WWOX: variants seen among roughly 807,000 people sequenced by gnomAD.
WWOX encodes the protein WW domain-containing oxidoreductase.
A neutral mutation model predicts 46.2 loss-of-function variants in WWOX; 69 were observed. That is an observed-to-expected ratio of 1.49 (90% CI 1.23 to 1.82). The LOEUF (loss-of-function observed/expected upper bound fraction) is 1.82, where lower values mean the gene tolerates loss of function less well. Ranked by LOEUF, WWOX falls within the 40% of genes most tolerant of loss-of-function variation. WWOX has a pLI of 0.00. For missense variants in WWOX, 919 were observed against 542.6 expected (o/e 1.69, Z -6.89); for synonymous variants, 359 against 202.6 (o/e 1.77, Z -6.56).
At chr16:78,221,644 A>G (rs563175353) in intron 5 of WWOX, among the ~76,000 whole-genome samples, 11 of 152,332 alleles carry the variant, frequency 7.2e-5, no homozygotes, top group African/African-American at 2.6e-4. Context: ...ATATTTTGGT[A>G]TCTGGAACCG....
chr16:78,940,521 T>A (rs939623961), intron 8 of WWOX, among the ~76,000 whole-genome samples: 1 of 152,112 alleles, frequency 6.6e-6, no homozygotes, highest in Non-Finnish European at 1.5e-5. Flanking sequence ...TTTACATCAT[T>A]TCCATCGACA....
At chr16:79,210,424 A>G (rs1274431078) in intron 8 of WWOX, among the ~76,000 whole-genome samples, 1 of 152,180 alleles carries the variant, frequency 6.6e-6, no homozygotes, top group Non-Finnish European at 1.5e-5. Flanking sequence ...CATGGTCACA[A>G]TGTAAACCCT....
chr16:78,990,248 C>T (rs932763765), intron 8 of WWOX, among the ~76,000 whole-genome samples: 1 of 151,664 alleles, frequency 6.6e-6, no homozygotes, highest in African/African-American at 2.4e-5. Context: ...GATTAAGGGC[C>T]TCCATTCCCC....
chr16:78,782,606 C>A lies in WWOX; in HGVS notation c.1056+349854C>A, dbSNP rs1260759349. Among the ~76,000 whole-genome samples, 10 of 152,200 alleles carry A rather than the reference C, an allele frequency of 6.6e-5. No homozygotes were observed. The East Asian group carries it at 1.9e-3, about 29-fold the overall frequency. Reference sequence around the variant, plus strand: ...AGAGGATTCCATCTTTATTCTCCTCCCAAATGCAGGCTCCATTAACCTTTT... The same window carrying A: ...AGAGGATTCCATCTTTATTCTCCTCACAAATGCAGGCTCCATTAACCTTTT... On this transcript the variant is annotated intron_variant, in intron 8 of 8. Transcript: ENST00000566780.
At chr16:78,843,872 C>G (rs1419863765) in intron 8 of WWOX, among the ~76,000 whole-genome samples, 1 of 152,156 alleles carries the variant, frequency 6.6e-6, no homozygotes, top group Non-Finnish European at 1.5e-5. Flanking sequence ...TTTGTTTTCT[C>G]TGAAGCGCTG....
intron 5 of WWOX, among the ~76,000 whole-genome samples, chr16:78,261,788 C>CTATATATATATATA (rs71384369): frequency 2.7e-5 from 2 of 73,712 alleles, no homozygotes; most frequent in Non-Finnish European, 5.5e-5. Flanking sequence ...ATCTATCTAT[C>CTATATATATATATA]TATATATATA....
rs2051779040 is a variant in WWOX at position 79,212,036 on chromosome 16, G to A, written c.*240G>A. 1 of 1,536,264 alleles carries A rather than the reference G, an allele frequency of 6.5e-7. No individual in the cohort carries two copies. The highest frequency in any genetic ancestry group is 8.7e-7 in the Non-Finnish European group (1 of 1,146,904). On this transcript the variant is annotated 3_prime_UTR_variant, in exon 9 of 9. Coordinates refer to ENST00000566780, the MANE Select transcript of WWOX (RefSeq NM_016373.4). ...TAGGTCTCTTTGCTTTCTGGTGGTGGCCTGTTTGAAAGTAAAAACCTGCTT... is the reference window on the plus strand; with the variant it reads ...TAGGTCTCTTTGCTTTCTGGTGGTGACCTGTTTGAAAGTAAAAACCTGCTT...
At chr16:78,851,213 T>C (rs1339638465) in intron 8 of WWOX, among the ~76,000 whole-genome samples, 2 of 152,186 alleles carry the variant, frequency 1.3e-5, no homozygotes, top group African/African-American at 2.4e-5. Context: ...TTCTGTTAGG[T>C]ACAGACTCTA....
intron 7 of WWOX, among the ~76,000 whole-genome samples, chr16:78,427,103 T>G (rs1011662900): frequency 6.6e-6 from 1 of 152,168 alleles, no homozygotes; most frequent in Non-Finnish European, 1.5e-5. Flanking sequence ...AGACAGTTGC[T>G]CACTACCCAA....
chr16:78,747,065 A>G (rs970572882), intron 8 of WWOX, among the ~76,000 whole-genome samples: 2 of 151,960 alleles, frequency 1.3e-5, no homozygotes, highest in Non-Finnish European at 2.9e-5. Context: ...TGTCCTCCCA[A>G]TATCCTGCAA....
chr16:78,660,972 T>G (rs2047197129), intron 8 of WWOX, among the ~76,000 whole-genome samples: 1 of 152,184 alleles, frequency 6.6e-6, no homozygotes, highest in African/African-American at 2.4e-5. Context: ...TTTAATATAT[T>G]CATTCCTATT....
intron 8 of WWOX, among the ~76,000 whole-genome samples, chr16:78,834,412 T>TA (rs1491074906): frequency 6.6e-6 from 1 of 152,204 alleles, no homozygotes; most frequent in Middle Eastern, 3.2e-3. Flanking sequence ...AATCTAGGTT[T>TA]CTAGGTTTCT....
At chr16:78,102,173 A>G (rs1310157907) in intron 1 of WWOX, among the ~76,000 whole-genome samples, 2 of 152,140 alleles carry the variant, frequency 1.3e-5, no homozygotes, top group African/African-American at 4.8e-5. Flanking sequence ...TCCCTCCCGA[A>G]GCACTGGAAT....
chr16:78,641,459 C>T (rs1009025184), intron 8 of WWOX, among the ~76,000 whole-genome samples: 1 of 152,118 alleles, frequency 6.6e-6, no homozygotes, highest in East Asian at 1.9e-4. Flanking sequence ...GGAGTGGGAA[C>T]CTCTCCCCAC....
At chr16:78,235,881 G>C (rs930504397) in intron 5 of WWOX, among the ~76,000 whole-genome samples, 2 of 152,290 alleles carry the variant, frequency 1.3e-5, no homozygotes. Context: ...CAGCAGAGGG[G>C]CTGTAGCATA....
chr16:78,274,482 C>T (rs966842212), intron 5 of WWOX, among the ~76,000 whole-genome samples: 4 of 152,164 alleles, frequency 2.6e-5, no homozygotes, highest in Non-Finnish European at 5.9e-5. Context: ...AGCAGGACAC[C>T]TAGAACTATG....
At chr16:78,843,180 G>A (rs764071272) in intron 8 of WWOX, among the ~76,000 whole-genome samples, 9 of 149,986 alleles carry the variant, frequency 6.0e-5, no homozygotes, top group Non-Finnish European at 1.2e-4. Context: ...CACTGTCCTA[G>A]GAGAGGAAAA....
In WWOX at chr16:79,029,206, G is replaced by C. The variant is rs145450881; in HGVS notation, c.1057-182402G>C. 6.6e-4 allele frequency among the ~76,000 whole-genome samples: 100 copies of C among 152,246 alleles called. No individual in the cohort carries two copies. The East Asian group carries it at 0.01, about 16-fold the overall frequency. On this transcript the variant is annotated intron_variant, in intron 8 of 8. Coordinates refer to ENST00000566780, the MANE Select transcript of WWOX (RefSeq NM_016373.4). ...GGACTTTGGGTACAGATGCACAGGAGACCTTTGCCCCACCCCGTCACGGCT... is the reference window on the plus strand; with the variant it reads ...GGACTTTGGGTACAGATGCACAGGACACCTTTGCCCCACCCCGTCACGGCT...
At chr16:78,357,940 A>C (rs956256112) in intron 5 of WWOX, among the ~76,000 whole-genome samples, 5 of 152,138 alleles carry the variant, frequency 3.3e-5, no homozygotes, top group African/African-American at 1.2e-4. Flanking sequence ...TGAGTAGGAG[A>C]AGGCCAGTTA....
Sources: allele counts gnomAD v4.1 joint callset (sites outside exome capture counted in the v4.1 genomes callset), GRCh38; gene constraint gnomAD v4.1.1; transcripts MANE v1.5; gene names NCBI Gene and HGNC (gene_info 2026-07-23, HGNC 2026-07-21).